Variants in RREB1 observed in about 807,000 individuals in gnomAD.
RREB1 encodes the protein ras responsive element binding protein 1.
In RREB1, 27 loss-of-function variants were observed where a neutral mutation model predicts 117.8. The observed-to-expected ratio is 0.23, with a 90% CI of 0.17 to 0.32. The LOEUF (loss-of-function observed/expected upper bound fraction) is 0.32, where lower values mean the gene tolerates loss of function less well. Among genes scored for constraint, RREB1 ranks in the 10% least tolerant of loss-of-function variants. The pLI is 1.00. For synonymous variants in RREB1, 1,298 were observed against 1,026.7 expected, an observed-to-expected ratio of 1.26 and a Z score of -5.05; for missense variants, 2,577 against 2,378.2, an observed-to-expected ratio of 1.08 and a Z score of -1.74.
At chr6:7,241,155 C>A (rs1238370776) in intron 11 of RREB1, among the ~76,000 whole-genome samples, 1 of 152,072 alleles carries the variant, frequency 6.6e-6, no homozygotes, top group Non-Finnish European at 1.5e-5. Context: ...TTAATCACAT[C>A]TCTGCTTGAC....
At chr6:7,175,667 T>TAGCTCTGGGAGATGCTGC (rs1764462313) in intron 1 of RREB1, among the ~76,000 whole-genome samples, 1 of 152,222 alleles carries the variant, frequency 6.6e-6, no homozygotes, top group Non-Finnish European at 1.5e-5. Flanking sequence ...CCACATGCTG[T>TAGCTCTGGGAGATGCTGC]AGCTCTGGGA....
At chr6:7,225,025 A>C (rs1378504449) in intron 8 of RREB1, among the ~76,000 whole-genome samples, 2 of 152,140 alleles carry the variant, frequency 1.3e-5, no homozygotes, top group Non-Finnish European at 2.9e-5. Flanking sequence ...GGCGGCACAT[A>C]CTGGCACTTC....
intron 9 of RREB1, among the ~76,000 whole-genome samples, chr6:7,227,509 C>A (rs1267240969): frequency 1.3e-5 from 2 of 151,744 alleles, no homozygotes; most frequent in Non-Finnish European, 2.9e-5. Context: ...CCACTGCACT[C>A]CAGCCTGGGC....
chr6:7,125,798 C>T (rs1043313945), intron 1 of RREB1, among the ~76,000 whole-genome samples: 7 of 151,892 alleles, frequency 4.6e-5, no homozygotes, highest in African/African-American at 1.2e-4. Context: ...CAGGAAGAGC[C>T]GTGTGGACTG....
At chr6:7,199,600 T>G (rs1765837912) in intron 6 of RREB1, among the ~76,000 whole-genome samples, 1 of 152,204 alleles carries the variant, frequency 6.6e-6, no homozygotes, top group Admixed American at 6.5e-5. Context: ...GATTGCTTGT[T>G]CTATGATGTT....
intron 6 of RREB1, among the ~76,000 whole-genome samples, chr6:7,200,274 G>A (rs1296258908): frequency 8.3e-4 from 95 of 114,530 alleles, no homozygotes; most frequent in East Asian, 2.8e-3. Context: ...GTGTGTGTGT[G>A]TGTGTGTATT....
chr6:7,216,063 C>G (rs946125647), intron 8 of RREB1: 7 of 152,194 alleles, frequency 4.6e-5, no homozygotes, highest in Non-Finnish European at 7.3e-5. Flanking sequence ...GAAAGGAGTT[C>G]GGGTAATAAG....
rs773764047 is a variant in RREB1, at chr6:7,181,877, G to A, written c.-35G>A. On this transcript the variant is annotated 5_prime_UTR_variant, in exon 4 of 13. Transcript: ENST00000379938. The stretch of plus-strand genomic sequence containing the variant: ...GCAATTTCCAATTTTCAGTTTTATA[G>A]CAGAGGCTTCTTAGAAGCTTAAACC... 10 of 1,612,766 alleles carry A rather than the reference G, an allele frequency of 6.2e-6. No individual in the cohort carries two copies. In the Admixed American group the frequency reaches 8.3e-5, roughly 13 times the overall value.
chr6:7,191,885 C>T (rs1044005197), intron 6 of RREB1, among the ~76,000 whole-genome samples: 2 of 152,004 alleles, frequency 1.3e-5, no homozygotes, highest in Non-Finnish European at 2.9e-5. Context: ...ATTTTCTCGC[C>T]TACTTGCCCT....
intron 1 of RREB1, among the ~76,000 whole-genome samples, chr6:7,142,803 C>G (rs1762673963): frequency 6.6e-6 from 1 of 152,228 alleles, no homozygotes. Flanking sequence ...TGAGACTTAC[C>G]TCACTTTTGC....
chr6:7,155,216 T>C (rs2113442139), intron 1 of RREB1, among the ~76,000 whole-genome samples: 1 of 152,356 alleles, frequency 6.6e-6, no homozygotes. Flanking sequence ...TCCATCTGCC[T>C]GCCCTGAGAT....
rs1212485367 is a variant in RREB1, at chr6:7,247,332, C to T, written c.4771+111C>T. 32 of 966,736 alleles carry T rather than the reference C, an allele frequency of 3.3e-5. No homozygotes were observed. The East Asian group carries it at 5.5e-4, about 17-fold the overall frequency. 59.9% of individuals were successfully genotyped at this position (966,736 alleles called of 1,614,324 possible). ...AGGCCACCGAGAGAACGTTTGCTTA[C>T]GTTGCCGGTGTGCCCTTTAAGCCCG... is the stretch of plus-strand genomic sequence containing the variant. On this transcript the variant is annotated intron_variant, in intron 12 of 12. Transcript: ENST00000379938.
intron 6 of RREB1, among the ~76,000 whole-genome samples, chr6:7,195,662 C>G (rs1765627196): frequency 1.3e-5 from 2 of 152,216 alleles, no homozygotes; most frequent in African/African-American, 4.8e-5. Flanking sequence ...GCTACCACTG[C>G]TTCCCAAGGT....
chr6:7,242,707 G>GGA (rs1554128722), intron 11 of RREB1, among the ~76,000 whole-genome samples: 1 of 151,258 alleles, frequency 6.6e-6, no homozygotes, highest in African/African-American at 2.4e-5. Flanking sequence ...AAAAGGGGGG[G>GGA]GGGGAAGGAA....
intron 6 of RREB1, among the ~76,000 whole-genome samples, chr6:7,199,980 T>G (rs989871463): frequency 1.3e-5 from 2 of 152,228 alleles, no homozygotes; most frequent in Non-Finnish European, 2.9e-5. Context: ...AAGTGTGATC[T>G]GTCACTGAAT....
chr6:7,191,953 T>C (rs1765426032), intron 6 of RREB1, among the ~76,000 whole-genome samples: 1 of 152,094 alleles, frequency 6.6e-6, no homozygotes. Flanking sequence ...ATTCTTTTTT[T>C]GTTTGTGATC....
intron 8 of RREB1, chr6:7,212,038 T>A (rs1235491360): frequency 3.1e-6 from 1 of 317,822 alleles, no homozygotes; most frequent in Admixed American, 4.6e-5. Flanking sequence ...TCGCAAAAGA[T>A]GTTGCAACTC....
chr6:7,173,337 C>G (rs1030508108), intron 1 of RREB1, among the ~76,000 whole-genome samples: 1 of 151,774 alleles, frequency 6.6e-6, no homozygotes, highest in Non-Finnish European at 1.5e-5. Flanking sequence ...GCAAACATGG[C>G]GAAACCCCGT....
At chr6:7,240,655 G>A (rs1156410513) in intron 11 of RREB1, 53 bp downstream of exon 11, 16 of 1,544,176 alleles carry the variant, frequency 1.0e-5, no homozygotes, top group African/African-American at 1.4e-5. Context: ...GAGGAGTTCG[G>A]TTAAGAATTG....
Sources: allele counts gnomAD v4.1 joint callset (sites outside exome capture counted in the v4.1 genomes callset), GRCh38; gene constraint gnomAD v4.1.1; transcripts MANE v1.5; gene names NCBI Gene and HGNC (gene_info 2026-07-23, HGNC 2026-07-21).